The following NUP37 variants were observed in gnomAD, a reference collection of about 807,000 sequenced individuals.
NUP37 encodes the protein nucleoporin Nup37.
In NUP37, 33 loss-of-function variants were observed where a neutral mutation model predicts 45.4. The observed-to-expected ratio is 0.73, with a 90% CI of 0.55 to 0.97. The LOEUF (loss-of-function observed/expected upper bound fraction) is 0.97. Ranked by LOEUF, NUP37 falls within the 50% of genes least tolerant of loss-of-function variation. The probability of loss-of-function intolerance (pLI) is 0.00; values close to 1 mark genes in which losing one functional copy is unlikely to be tolerated. For missense variants in NUP37, 365 were observed against 389.7 expected (o/e 0.94, Z 0.53); for synonymous variants, 127 against 130.7 (o/e 0.97, Z 0.19).
chr12:102,091,421 A>C (rs1362133347), intron 5 of NUP37, among the ~76,000 whole-genome samples: 4 of 149,858 alleles, frequency 2.7e-5, no homozygotes, highest in East Asian at 1.9e-4. Context: ...AAAAAAAAAA[A>C]AAAAAAACCC....
rs150439449 is a variant in NUP37 at position 102,104,113 on chromosome 12, C to T, written c.282-3009G>A. Among the ~76,000 whole-genome samples, 897 of 152,314 alleles carry T rather than the reference C, an allele frequency of 5.9e-3. 11 individuals are homozygous for T. The highest frequency in any genetic ancestry group is 0.02 in the African/African-American group (841 of 41,576). On this transcript the variant is annotated intron_variant, in intron 3 of 9. Transcript: ENST00000552283. The stretch of plus-strand genomic sequence containing the variant: ...GTATAGAAAAGTTTCAATTTCTCCA[C>T]ATCCCGGGTCAACATTTGTTATTTT...
intron 5 of NUP37, among the ~76,000 whole-genome samples, chr12:102,091,946 C>T (rs919261226): frequency 6.6e-6 from 1 of 151,972 alleles, no homozygotes; most frequent in African/African-American, 2.4e-5. Context: ...ATTAAGTATC[C>T]CTACCATATG....
At chr12:102,101,164 C>T (rs1594395247) in intron 3 of NUP37, 60 bp from the exon 4 acceptor site, 1 of 872,038 alleles carries the variant, frequency 1.1e-6, no homozygotes, top group South Asian at 1.7e-5. Flanking sequence ...AAGGTCTCCC[C>T]CTCCCCCCCA....
chr12:102,101,474 A>G (rs914524908), intron 3 of NUP37, among the ~76,000 whole-genome samples: 2 of 152,194 alleles, frequency 1.3e-5, no homozygotes, highest in Non-Finnish European at 2.9e-5. Context: ...CCAGGTCACC[A>G]AGACATATTA....
At chr12:102,084,091 C>T (rs562897899) in intron 6 of NUP37, among the ~76,000 whole-genome samples, 2 of 152,250 alleles carry the variant, frequency 1.3e-5, no homozygotes, top group South Asian at 4.1e-4. Context: ...AGCTGGGAGG[C>T]ATATGTTCAA....
At chr12:102,090,287 T>A (rs766280130) in intron 5 of NUP37, among the ~76,000 whole-genome samples, 21 of 152,156 alleles carry the variant, frequency 1.4e-4, no homozygotes, top group Non-Finnish European at 2.8e-4. Flanking sequence ...CAAATGTGCC[T>A]AAGTTTTAAA....
In NUP37 at chr12:102,102,792, C is replaced by T. The variant is rs188965541; in HGVS notation, c.282-1688G>A. On this transcript the variant is annotated intron_variant, in intron 3 of 9. Coordinates refer to ENST00000552283, the MANE Select transcript of NUP37 (RefSeq NM_024057.4). ...TGATTCTGCATATGGAGTGAAATAACGGTTCAATTTCATTCTTCTGTGTGT... is the reference window on the plus strand; with the variant it reads ...TGATTCTGCATATGGAGTGAAATAATGGTTCAATTTCATTCTTCTGTGTGT... Among the ~76,000 whole-genome samples the T allele has an allele frequency of 9.8e-5, 15 of 152,288 alleles. No individual in the cohort carries two copies. The East Asian group carries it at 2.3e-3, about 23-fold the overall frequency.
intron 5 of NUP37, among the ~76,000 whole-genome samples, chr12:102,098,812 A>G (rs10745936): frequency 0.58 from 88,838 of 152,026 alleles, 26,765 homozygotes; most frequent in African/African-American, 0.74. Context: ...GATTATAGGC[A>G]TGTGGCACTG....
At chr12:102,098,288 T>C (rs896125779) in intron 5 of NUP37, among the ~76,000 whole-genome samples, 1 of 152,218 alleles carries the variant, frequency 6.6e-6, no homozygotes, top group Non-Finnish European at 1.5e-5. Flanking sequence ...ACCTCATCTG[T>C]TCTAAATTAG....
rs116560766 is a variant in NUP37, at chr12:102,085,254, T to C, written c.540+512A>G. The stretch of plus-strand genomic sequence containing the variant: ...GGGTAACATGGCGAAACCTCAGCCC[T>C]ACCAAAAATACAAAAAAATTAGCCA... On this transcript the variant is annotated intron_variant, in intron 6 of 9. Coordinates refer to ENST00000552283, the MANE Select transcript of NUP37 (RefSeq NM_024057.4). 5.9e-3 allele frequency among the ~76,000 whole-genome samples: 892 copies of C among 152,010 alleles called. 11 individuals carry two copies. The highest frequency in any genetic ancestry group is 0.02 in the African/African-American group (847 of 41,448).
chr12:102,083,633 T>C (rs1434075544), intron 6 of NUP37, among the ~76,000 whole-genome samples: 2 of 152,266 alleles, frequency 1.3e-5, no homozygotes, highest in African/African-American at 2.4e-5. Flanking sequence ...TTATTCATTC[T>C]TTTATTCCCT....
intron 5 of NUP37, among the ~76,000 whole-genome samples, chr12:102,086,267 C>T (rs1016391815): frequency 2.6e-5 from 4 of 152,108 alleles, no homozygotes; most frequent in Non-Finnish European, 5.9e-5. Flanking sequence ...AACACACACA[C>T]GCATGCAAGC....
chr12:102,112,220 C>T lies in NUP37; in HGVS notation c.169G>A (p.Asp57Asn). ...GTTTTATACTGAATGCCTTCAACGT[C>T]TGCTTCTTCTTCCTAAGCATACACA... ...GTCTFQEEEA[D>N]VEGIQYKTLR... Residue 57 changes from aspartate (D) to asparagine (N), a missense_variant, in exon 3 of 10, where the codon GAC becomes AAC. By Grantham distance (23) the Asp-to-Asn change is conservative (BLOSUM62 1). Transcript: ENST00000552283. The T allele has an allele frequency of 6.2e-7, 1 of 1,612,336 alleles. No individual in the cohort carries two copies. Among genetic ancestry groups the T allele is most frequent in the Non-Finnish European group, 8.5e-7 (1 of 1,178,654 alleles).
intron 6 of NUP37, among the ~76,000 whole-genome samples, chr12:102,083,428 C>G (rs1156522629): frequency 6.6e-6 from 1 of 152,150 alleles, no homozygotes; most frequent in African/African-American, 2.4e-5. Context: ...GAACAAATTT[C>G]CATGAAATCC....
In NUP37 at chr12:102,076,830, C is replaced by T. The variant is rs375098950; in HGVS notation, c.740G>A (p.Arg247Lys). Residue 247 changes from arginine to lysine, a missense_variant, in exon 8 of 10, where the codon AGA (arginine) becomes AAA (lysine). Arg to Lys is a conservative substitution (Grantham distance 26). Coordinates refer to ENST00000552283, the MANE Select transcript of NUP37 (RefSeq NM_024057.4). ...ITRSSYPQNK[R>K]PVHMDRACLF... The stretch of plus-strand genomic sequence containing the variant: ...GCAGGCTCGATCCATGTGAACAGGT[C>T]TCTTATTTTGAGGATAACTAAAAGA... 2 of 1,613,022 alleles carry T rather than the reference C, an allele frequency of 1.2e-6. No individual in the cohort carries two copies. The highest frequency in any genetic ancestry group is 2.2e-5 in the South Asian group (2 of 90,904).
intron 5 of NUP37, among the ~76,000 whole-genome samples, chr12:102,091,975 C>T (rs1459124501): frequency 6.6e-6 from 1 of 152,022 alleles, no homozygotes; most frequent in Non-Finnish European, 1.5e-5. Context: ...ATGTTATTGT[C>T]CCAATAAATT....
At chr12:102,118,219 G>T (rs1880519266) in intron 2 of NUP37, 144 bp downstream of exon 2, 2 of 784,580 alleles carry the variant, frequency 2.5e-6, no homozygotes, top group East Asian at 2.6e-5. Flanking sequence ...ACATATAACT[G>T]GGAACATCTT....
At chr12:102,084,396 A>C (rs1879411320) in intron 6 of NUP37, among the ~76,000 whole-genome samples, 1 of 152,224 alleles carries the variant, frequency 6.6e-6, no homozygotes, top group African/African-American at 2.4e-5. Context: ...CTGTAGTCCC[A>C]GCAATATGGG....
intron 5 of NUP37, among the ~76,000 whole-genome samples, chr12:102,093,029 G>T (rs942636707): frequency 6.6e-6 from 1 of 152,064 alleles, no homozygotes; most frequent in Non-Finnish European, 1.5e-5. Flanking sequence ...ATTATTAGAA[G>T]TTTTACTGAC....
Sources: allele counts gnomAD v4.1 joint callset (sites outside exome capture counted in the v4.1 genomes callset), GRCh38; gene constraint gnomAD v4.1.1; transcripts MANE v1.5; gene names NCBI Gene and HGNC (gene_info 2026-07-23, HGNC 2026-07-21).